Variants in SYCP2 observed in about 807,000 individuals in gnomAD.
SYCP2 encodes synaptonemal complex protein 2.
A neutral mutation model predicts 211.3 loss-of-function variants in SYCP2; 55 were observed. That is an observed-to-expected ratio of 0.26 (90% CI 0.21 to 0.33). SYCP2 has a LOEUF of 0.33. SYCP2 is among the 10% of genes least tolerant of loss of function. The pLI is 1.00. For synonymous variants in SYCP2, 570 were observed against 555.2 expected (o/e 1.03, Z -0.37); for missense variants, 1,731 against 1,752.0 (o/e 0.99, Z 0.21).
intron 35 of SYCP2, 90 bp downstream of exon 35, chr20:59,873,766 A>G (rs2059499488): frequency 3.5e-6 from 4 of 1,143,264 alleles, no homozygotes; most frequent in Non-Finnish European, 1.2e-6. Context: ...TAAATAGACA[A>G]GCAATGTGTA....
At chr20:59,916,677 G>C in intron 7 of SYCP2, 106 bp from the exon 8 acceptor site, 1 of 736,036 alleles carries the variant, frequency 1.4e-6, no homozygotes. Flanking sequence ...TGGTAACTCA[G>C]GCCTATAATC....
intron 29 of SYCP2, 62 bp downstream of exon 29, chr20:59,881,375 G>A (rs1038812698): frequency 2.4e-6 from 2 of 848,106 alleles, no homozygotes; most frequent in Admixed American, 2.9e-5. Flanking sequence ...CTCTAAGACT[G>A]GGAGGAGATA....
At position 59,893,387 on chromosome 20, in the gene SYCP2, T is replaced by C. The variant is rs1055758356; in HGVS notation, c.1735+137A>G. On this transcript the variant is annotated intron_variant, in intron 21 of 44. Transcript: ENST00000357552. The stretch of plus-strand genomic sequence containing the variant: ...GTATATTTCCTTGTAACCTCAAAAA[T>C]TCCTTGCACAAAGTCAAACAAATTC... 6.4e-6 allele frequency: 5 copies of C among 786,382 alleles called. No homozygotes were observed. In the African/African-American group the frequency reaches 8.8e-5, roughly 14 times the overall value. 48.7% of individuals were successfully genotyped at this position (786,382 alleles called of 1,614,324 possible). A position where few individuals can be genotyped will look rare whatever the true frequency, so the allele number is the denominator to read the frequency against.
At chr20:59,919,122 T>C in intron 7 of SYCP2, 36 bp downstream of exon 7, 1 of 1,147,836 alleles carries the variant, frequency 8.7e-7, no homozygotes, top group East Asian at 2.5e-5. Flanking sequence ...AACAGTAAAA[T>C]TTATTGTTCC....
intron 2 of SYCP2, among the ~76,000 whole-genome samples, chr20:59,930,729 A>T (rs926642417): frequency 2.0e-5 from 3 of 149,358 alleles, no homozygotes; most frequent in African/African-American, 7.7e-5. Flanking sequence ...ATATTTAATA[A>T]TATGCAATTA....
intron 15 of SYCP2, among the ~76,000 whole-genome samples, chr20:59,907,007 C>G (rs1030128079): frequency 6.6e-6 from 1 of 152,016 alleles, no homozygotes; most frequent in African/African-American, 2.4e-5. Flanking sequence ...TGTAATAGTA[C>G]TAGTCTGATT....
At chr20:59,879,856 T>A (rs1039821645) in intron 31 of SYCP2, among the ~76,000 whole-genome samples, 2 of 114,508 alleles carry the variant, frequency 1.7e-5, no homozygotes, top group African/African-American at 7.4e-5. Context: ...TATATATATA[T>A]ATATATACAC....
At chr20:59,916,339 G>T in intron 8 of SYCP2, 147 bp downstream of exon 8, 1 of 582,678 alleles carries the variant, frequency 1.7e-6, no homozygotes. Flanking sequence ...TAAGTATTTC[G>T]GAAATATGTC....
chr20:59,924,227 A>T (rs1305461387), intron 2 of SYCP2, among the ~76,000 whole-genome samples: 3 of 152,000 alleles, frequency 2.0e-5, no homozygotes, highest in South Asian at 2.1e-4. Context: ...TTCTCCACCC[A>T]ATTAACTACC....
chr20:59,873,756 T>A, intron 35 of SYCP2, 100 bp downstream of exon 35: 2 of 1,086,568 alleles, frequency 1.8e-6, no homozygotes, highest in Non-Finnish European at 2.6e-6. Context: ...CCCAAAACCT[T>A]AAATAGACAA....
chr20:59,893,422 C>A, intron 21 of SYCP2, 102 bp downstream of exon 21: 1 of 845,708 alleles, frequency 1.2e-6, no homozygotes, highest in Non-Finnish European at 1.8e-6. Context: ...CTTTGTAAAT[C>A]TTTTTCAAAT....
At chr20:59,912,956 C>G (rs1391834783) in intron 12 of SYCP2, among the ~76,000 whole-genome samples, 1 of 152,190 alleles carries the variant, frequency 6.6e-6, no homozygotes. Context: ...GCTTCCCCAG[C>G]CACATGGAAC....
intron 17 of SYCP2, among the ~76,000 whole-genome samples, chr20:59,900,540 G>A (rs1190740590): frequency 1.3e-5 from 2 of 152,004 alleles, no homozygotes; most frequent in Non-Finnish European, 2.9e-5. Flanking sequence ...TTACTAAACT[G>A]ATATTTATTA....
intron 33 of SYCP2, 31 bp from the exon 34 acceptor site, chr20:59,875,500 T>G (rs2059537505): frequency 7.2e-6 from 11 of 1,529,852 alleles, no homozygotes; most frequent in Non-Finnish European, 9.8e-6. Flanking sequence ...CAAATTATAC[T>G]CAAGTACAAA....
intron 35 of SYCP2, among the ~76,000 whole-genome samples, chr20:59,872,539 A>G (rs1191107852): frequency 1.3e-5 from 2 of 152,028 alleles, no homozygotes; most frequent in Non-Finnish European, 2.9e-5. Flanking sequence ...TTATAAGTTA[A>G]TGTTTAAATT....
intron 18 of SYCP2, among the ~76,000 whole-genome samples, chr20:59,896,920 T>G (rs1306903394): frequency 6.6e-6 from 1 of 152,188 alleles, no homozygotes; most frequent in Non-Finnish European, 1.5e-5. Context: ...TTATTTTGAG[T>G]GCTTTCATGT....
chr20:59,926,210 A>T (rs1001198498), intron 2 of SYCP2, among the ~76,000 whole-genome samples: 1 of 152,082 alleles, frequency 6.6e-6, no homozygotes, highest in East Asian at 1.9e-4. Context: ...GCTCACAGCT[A>T]TGTGTGGACT....
chr20:59,869,043 TTG>T, intron 36 of SYCP2, 118 bp from the exon 37 acceptor site: 3 of 672,932 alleles, frequency 4.5e-6, no homozygotes, highest in Non-Finnish European at 4.9e-6. Context: ...CTTTCTCAGA[TTG>T]TTTCTATCCC....
intron 18 of SYCP2, among the ~76,000 whole-genome samples, chr20:59,898,205 A>C (rs2060047364): frequency 6.6e-6 from 1 of 152,188 alleles, no homozygotes; most frequent in Non-Finnish European, 1.5e-5. Context: ...TGACTCAGCA[A>C]ATCCCATTAC....
Sources: gnomAD v4.1 joint callset for allele counts (sites outside exome capture counted in the v4.1 genomes callset) on GRCh38, gnomAD v4.1.1 for gene constraint, MANE v1.5 for transcripts, NCBI Gene and HGNC (gene_info 2026-07-23, HGNC 2026-07-21) for gene names.